ZNF221: variants seen among roughly 807,000 people sequenced by gnomAD.
ZNF221 encodes the protein zinc finger protein 221.
ZNF221 carries 10 observed loss-of-function variants against 12.6 expected under a neutral mutation model. The ratio of observed to expected loss-of-function variants is 0.79; its 90% CI spans 0.49 to 1.34. The LOEUF (loss-of-function observed/expected upper bound fraction) is 1.34, where lower values mean the gene tolerates loss of function less well. ZNF221 is among the 40% of genes most tolerant of loss of function. ZNF221 has a pLI of 0.00. For missense variants in ZNF221, 661 were observed against 721.4 expected (o/e 0.92, Z 0.96); for synonymous variants, 232 against 244.0 (o/e 0.95, Z 0.46).
In ZNF221 at chr19:43,961,797, T is replaced by G. The variant is rs995685116; in HGVS notation, c.-2-928T>G. On this transcript the variant is annotated intron_variant, in intron 1 of 4. Transcript: ENST00000587682. ...AAAGTATTTTATAGAAAGATAGTCA[T>G]TTGGGATTTATGTATTTCATGTTTA... The G allele has an allele frequency of 2.6e-5, 4 of 152,182 alleles. No homozygotes were observed. In the South Asian group the frequency reaches 8.3e-4, roughly 31 times the overall value. The allele number at this position is 152,182 out of a possible 1,614,324, so 9.4% of individuals were successfully genotyped here.
At chr19:43,963,813 T>C (rs1403606901) in intron 2 of ZNF221, among the ~76,000 whole-genome samples, 1 of 152,228 alleles carries the variant, frequency 6.6e-6, no homozygotes, top group East Asian at 1.9e-4. Context: ...TACAATGAAT[T>C]CTTCTTCCTA....
the ZNF221 span, among the ~76,000 whole-genome samples, chr19:43,974,043 C>A: frequency 1.3e-5 from 2 of 152,216 alleles, no homozygotes; most frequent in Admixed American, 1.3e-4. Context: ...AGTACTGGAA[C>A]AAAAACAGAC....
At chr19:43,973,320 TC>T in the ZNF221 span, among the ~76,000 whole-genome samples, 1 of 152,114 alleles carries the variant, frequency 6.6e-6, no homozygotes, top group Non-Finnish European at 1.5e-5. Context: ...TTGTAATCAT[TC>T]CCCTTGAAAA....
intron 1 of ZNF221, among the ~76,000 whole-genome samples, chr19:43,956,372 G>A (rs1974753690): frequency 6.6e-6 from 1 of 152,162 alleles, no homozygotes; most frequent in Non-Finnish European, 1.5e-5. Flanking sequence ...TTTAGGTAAA[G>A]AAGATACAAC....
chr19:43,962,088 T>A (rs1283927292), intron 1 of ZNF221: 2 of 152,552 alleles, frequency 1.3e-5, no homozygotes, highest in East Asian at 3.8e-4. Flanking sequence ...AATCAGTTTC[T>A]TCAACTATAA....
chr19:43,969,812 G>A (rs959399605), downstream of ZNF221, among the ~76,000 whole-genome samples: 7 of 152,128 alleles, frequency 4.6e-5, no homozygotes, highest in South Asian at 2.1e-4. Flanking sequence ...TCTATGGTTC[G>A]GTTGACAAAG....
At chr19:43,957,064 G>A (rs1282345317) in intron 1 of ZNF221, among the ~76,000 whole-genome samples, 4 of 152,212 alleles carry the variant, frequency 2.6e-5, no homozygotes, top group Non-Finnish European at 5.9e-5. Context: ...TGAACAGTTG[G>A]CTCCCTTTGA....
At chr19:43,978,059 G>A in the ZNF221 span, among the ~76,000 whole-genome samples, 1 of 152,204 alleles carries the variant, frequency 6.6e-6, no homozygotes, top group Non-Finnish European at 1.5e-5. Context: ...GCATTGAATT[G>A]TGATACTACT....
chr19:43,971,968 A>C (rs1291710762), downstream of ZNF221, among the ~76,000 whole-genome samples: 2 of 152,228 alleles, frequency 1.3e-5, no homozygotes, highest in Non-Finnish European at 2.9e-5. Flanking sequence ...TTTTCTCATC[A>C]TCACATGGCT....
chr19:43,963,158 A>G (rs1424498832), intron 2 of ZNF221, among the ~76,000 whole-genome samples: 1 of 152,108 alleles, frequency 6.6e-6, no homozygotes, highest in Admixed American at 6.6e-5. Flanking sequence ...TGCTCGTTTT[A>G]TATAATATTA....
rs1484331737 is a variant in ZNF221, at chr19:43,964,953, G to A, written c.85G>A (p.Ala29Thr). 1.2e-6 allele frequency: 2 copies of A among 1,614,106 alleles called. No homozygotes were observed. Among genetic ancestry groups the A allele is most frequent in the South Asian group, 1.1e-5 (1 of 91,070 alleles). The change falls in exon 3 of 5, where the codon GCA becomes ACA. Residue 29 changes from alanine (A) to threonine (T), a missense_variant. Coordinates refer to ENST00000587682, the MANE Select transcript of ZNF221 (RefSeq NM_001297588.2). ...TTTTGTATGTTGGATATTTTAGGAG[G>A]CAGTGACATTCAAGGATGTGGCTGT... ...VEGKMTTFKE[A>T]VTFKDVAVVF...
At chr19:43,954,693 A>G (rs1852387588) in intron 1 of ZNF221, among the ~76,000 whole-genome samples, 1 of 152,170 alleles carries the variant, frequency 6.6e-6, no homozygotes, top group African/African-American at 2.4e-5. Context: ...TTGCTTAGGA[A>G]TCATCCCTGC....
intron 1 of ZNF221, among the ~76,000 whole-genome samples, chr19:43,951,847 CTCTTTTTTTTTTTTTTTTTTTTTTT>C (rs1974676010): frequency 2.6e-5 from 3 of 116,314 alleles, no homozygotes; most frequent in African/African-American, 1.1e-4. Flanking sequence ...AGTCTTTGAC[CTCTTTTTTTTTTTTTTTTTTTTTTT>C]TTTTTTTTTT....
chr19:43,974,594 TC>T, the ZNF221 span, among the ~76,000 whole-genome samples: 1 of 149,434 alleles, frequency 6.7e-6, no homozygotes, highest in African/African-American at 2.5e-5. Flanking sequence ...AACAGGCACT[TC>T]TCAAAAGAAG....
chr19:43,951,874 T>C (rs1240544747), intron 1 of ZNF221, among the ~76,000 whole-genome samples: 1 of 100,814 alleles, frequency 9.9e-6, no homozygotes, highest in African/African-American at 4.2e-5. Flanking sequence ...TTTTTTTTTT[T>C]TTTTTTTTTT....
downstream of ZNF221, among the ~76,000 whole-genome samples, chr19:43,969,696 TGGGGTCTCCCTGTGG>T (rs1975056155): frequency 6.6e-6 from 1 of 152,136 alleles, no homozygotes; most frequent in South Asian, 2.1e-4. Context: ...CCCCACTGTG[TGGGGTCTCCCTGTGG>T]GGGGTCTTCA....
Position 43,966,454 on chromosome 19 carries a change from A to T in ZNF221, c.952A>T (p.Ser318Cys). ...KPFKCDICGK[S>C]FRVRSRLNRH... is the part of the protein sequence containing the mutation. ...ATTCAAATGTGATATATGTGGTAAG[A>T]GCTTCCGTGTTAGATCAAGACTTAA... Residue 318 changes from serine to cysteine, a missense_variant, in exon 5 of 5, where the codon AGC becomes TGC. By Grantham distance (112) the Ser-to-Cys change is moderately radical (BLOSUM62 -1). Transcript: ENST00000587682. The T allele has an allele frequency of 1.2e-6, 2 of 1,614,174 alleles. No homozygotes were observed. Among genetic ancestry groups the T allele is most frequent in the Non-Finnish European group, 8.5e-7 (1 of 1,180,028 alleles).
At chr19:43,952,798 C>T (rs965351522) in intron 1 of ZNF221, among the ~76,000 whole-genome samples, 2 of 152,096 alleles carry the variant, frequency 1.3e-5, no homozygotes, top group Non-Finnish European at 2.9e-5. Context: ...TCTTTTAAAA[C>T]TTTGTCAACT....
intron 1 of ZNF221, among the ~76,000 whole-genome samples, chr19:43,951,820 G>A (rs547302909): frequency 1.4e-5 from 2 of 142,630 alleles, no homozygotes; most frequent in Non-Finnish European, 3.0e-5. Flanking sequence ...CCTGCAGAAC[G>A]CTGGAAAATT....
Sources: gnomAD v4.1 joint callset for allele counts (sites outside exome capture counted in the v4.1 genomes callset) on GRCh38, gnomAD v4.1.1 for gene constraint, MANE v1.5 for transcripts, NCBI Gene and HGNC (gene_info 2026-07-23, HGNC 2026-07-21) for gene names.